MUSK: variants seen among roughly 807,000 people sequenced by gnomAD.
The protein encoded by MUSK is muscle associated receptor tyrosine kinase.
In MUSK, 55 loss-of-function variants were observed where a neutral mutation model predicts 88.7. The observed-to-expected ratio is 0.62, with a 90% CI of 0.50 to 0.78. The LOEUF (loss-of-function observed/expected upper bound fraction) is 0.78, where lower values mean the gene tolerates loss of function less well. Ranked by LOEUF, MUSK falls within the 30% of genes least tolerant of loss-of-function variation. The pLI, the probability that MUSK is intolerant of heterozygous loss-of-function variation, is 0.00. For synonymous variants in MUSK, 387 were observed against 391.9 expected, an observed-to-expected ratio of 0.99 and a Z score of 0.15; for missense variants, 1,015 against 1,074.3, an observed-to-expected ratio of 0.94 and a Z score of 0.77.
intron 5 of MUSK, among the ~76,000 whole-genome samples, chr9:110,707,009 A>T (rs933880535): frequency 6.7e-6 from 1 of 148,592 alleles, no homozygotes; most frequent in Non-Finnish European, 1.5e-5. Context: ...GTCTCAAAAA[A>T]ATAGAGAGAG....
At chr9:110,757,879 G>A (rs1056177624) in intron 7 of MUSK, among the ~76,000 whole-genome samples, 3 of 152,044 alleles carry the variant, frequency 2.0e-5, no homozygotes, top group South Asian at 2.1e-4. Context: ...TGAGGTATTC[G>A]TATTTTAAAA....
At chr9:110,675,215 CTTTTTT>C (rs386415865) in intron 1 of MUSK, among the ~76,000 whole-genome samples, 1 of 88,346 alleles carries the variant, frequency 1.1e-5, no homozygotes, top group Admixed American at 1.3e-4. Flanking sequence ...CACATTGCCT[CTTTTTT>C]TTTTTTTTTT....
At position 110,806,127 on chromosome 9, in the gene MUSK, C is replaced by A. The variant is rs55730274; in HGVS notation, c.*5139C>A. On this transcript the variant is annotated 3_prime_UTR_variant, in exon 15 of 15. Transcript: ENST00000374448. ...ACTTCACCCATTTATAGTGTTAGTTCTTCTGGTGATTACCAGTGCAATTCT... is the reference window on the plus strand; with the variant it reads ...ACTTCACCCATTTATAGTGTTAGTTATTCTGGTGATTACCAGTGCAATTCT... 4.0e-3 allele frequency among the ~76,000 whole-genome samples: 607 copies of A among 152,226 alleles called. 4 individuals are homozygous for A. Among genetic ancestry groups the A allele is most frequent in the African/African-American group, 0.014 (583 of 41,558 alleles).
chr9:110,759,478 T>G (rs1469035450), intron 7 of MUSK, among the ~76,000 whole-genome samples: 1 of 152,130 alleles, frequency 6.6e-6, no homozygotes, highest in Non-Finnish European at 1.5e-5. Context: ...CAAATGGAAC[T>G]TAATTAAACT....
intron 3 of MUSK, 136 bp downstream of exon 3, chr9:110,687,404 G>T: frequency 4.1e-6 from 4 of 968,244 alleles, no homozygotes; most frequent in Non-Finnish European, 6.0e-6. Flanking sequence ...GCATGATCTC[G>T]GTTCACTGCA....
intron 3 of MUSK, among the ~76,000 whole-genome samples, chr9:110,692,286 A>G (rs530024396): frequency 3.9e-5 from 6 of 152,100 alleles, no homozygotes; most frequent in Non-Finnish European, 8.8e-5. Flanking sequence ...CAGCCTCCCA[A>G]GTAGCTAGGA....
rs1318915805 is a variant in MUSK at position 110,708,486 on chromosome 9, T to C, written c.628+11020T>C. Among the ~76,000 whole-genome samples, 6 of 152,278 alleles carry C rather than the reference T, an allele frequency of 3.9e-5. No homozygotes were observed. The South Asian group carries it at 1.0e-3, about 26-fold the overall frequency. On this transcript the variant is annotated intron_variant, in intron 5 of 14. Transcript: ENST00000374448. Reference sequence around the variant, plus strand: ...GGTTTGATTTGCTGTCATGAGTACATTGTGCATTTGAAAACCAAACAAAGA... The same window carrying C: ...GGTTTGATTTGCTGTCATGAGTACACTGTGCATTTGAAAACCAAACAAAGA...
chr9:110,781,487 A>G (rs547232680), intron 11 of MUSK, among the ~76,000 whole-genome samples: 15 of 152,278 alleles, frequency 9.9e-5, no homozygotes, highest in South Asian at 2.1e-4. Flanking sequence ...CGTGTTAGCC[A>G]GGATGGTCTC....
At chr9:110,763,340 A>G (rs1302329845) in intron 8 of MUSK, among the ~76,000 whole-genome samples, 2 of 152,192 alleles carry the variant, frequency 1.3e-5, no homozygotes, top group South Asian at 4.1e-4. Context: ...TTTTAATCTA[A>G]ATATTGCTTT....
chr9:110,691,006 A>T (rs1257360751), intron 3 of MUSK, among the ~76,000 whole-genome samples: 2 of 151,272 alleles, frequency 1.3e-5, no homozygotes. Context: ...CTGAGATTAC[A>T]GGCATGTGCC....
At chr9:110,704,465 T>G (rs2076570863) in intron 5 of MUSK, among the ~76,000 whole-genome samples, 1 of 152,214 alleles carries the variant, frequency 6.6e-6, no homozygotes, top group Non-Finnish European at 1.5e-5. Context: ...ACACATAGTG[T>G]GTACTATATA....
At chr9:110,671,061 T>C (rs1376261681) in intron 1 of MUSK, among the ~76,000 whole-genome samples, 1 of 152,054 alleles carries the variant, frequency 6.6e-6, no homozygotes, top group African/African-American at 2.4e-5. Flanking sequence ...AACCTCCTCC[T>C]CCCAGGTTCA....
intron 11 of MUSK, among the ~76,000 whole-genome samples, chr9:110,784,386 T>C (rs1384797970): frequency 1.3e-5 from 2 of 152,182 alleles, no homozygotes; most frequent in African/African-American, 4.8e-5. Context: ...AATATTTTCA[T>C]TTTTCATCTT....
intron 5 of MUSK, among the ~76,000 whole-genome samples, chr9:110,714,897 A>ATCTGGTCTTTTTACCTTT (rs1270752860): frequency 7.3e-6 from 1 of 137,604 alleles, no homozygotes; most frequent in African/African-American, 3.3e-5. Flanking sequence ...ATTTAAGAGC[A>ATCTGGTCTTTTTACCTTT]GATTCAAATA....
At chr9:110,788,991 G>T (rs1396633371) in intron 14 of MUSK, among the ~76,000 whole-genome samples, 2 of 152,166 alleles carry the variant, frequency 1.3e-5, no homozygotes, top group Non-Finnish European at 2.9e-5. Context: ...TGAAAGATGG[G>T]GAGAGTTATC....
intron 14 of MUSK, among the ~76,000 whole-genome samples, chr9:110,790,238 C>T (rs576791089): frequency 3.3e-5 from 5 of 151,756 alleles, no homozygotes; most frequent in Admixed American, 6.6e-5. Flanking sequence ...CTGGTAACCC[C>T]GAGAAGAGAG....
intron 5 of MUSK, among the ~76,000 whole-genome samples, chr9:110,718,367 C>T (rs918452243): frequency 2.0e-5 from 3 of 151,938 alleles, no homozygotes; most frequent in African/African-American, 4.8e-5. Context: ...AGCAGAGGAA[C>T]TATACTCTAC....
chr9:110,692,964 T>C (rs2076378267), intron 3 of MUSK, among the ~76,000 whole-genome samples: 1 of 152,158 alleles, frequency 6.6e-6, no homozygotes, highest in Non-Finnish European at 1.5e-5. Context: ...GTTCAGTTAA[T>C]TAGGATAAAA....
chr9:110,680,361 G>T (rs1204232502), intron 1 of MUSK, among the ~76,000 whole-genome samples: 2 of 148,048 alleles, frequency 1.4e-5, no homozygotes, highest in Non-Finnish European at 3.0e-5. Context: ...ATGTGTCCAA[G>T]TATGAATTTC....
Sources: allele counts gnomAD v4.1 joint callset (sites outside exome capture counted in the v4.1 genomes callset), GRCh38; gene constraint gnomAD v4.1.1; transcripts MANE v1.5; gene names NCBI Gene and HGNC (gene_info 2026-07-23, HGNC 2026-07-21).